The following ADAMTS17 variants were observed in gnomAD, a reference collection of about 807,000 sequenced individuals.
The protein encoded by ADAMTS17 is ADAM metallopeptidase with thrombospondin type 1 motif 17.
ADAMTS17 carries 113 observed loss-of-function variants against 141.5 expected under a neutral mutation model. The ratio of observed to expected loss-of-function variants is 0.80; its 90% CI spans 0.69 to 0.93. ADAMTS17 has a LOEUF of 0.93. ADAMTS17 is among the 40% of genes least tolerant of loss of function. The probability of loss-of-function intolerance (pLI) is 0.00; values close to 1 mark genes in which losing one functional copy is unlikely to be tolerated. For synonymous variants in ADAMTS17, 768 were observed against 630.6 expected (o/e 1.22, Z -3.27); for missense variants, 1,659 against 1,517.9 (o/e 1.09, Z -1.54).
At chr15:100,150,541 C>T (rs2039111960) in intron 10 of ADAMTS17, among the ~76,000 whole-genome samples, 1 of 152,188 alleles carries the variant, frequency 6.6e-6, no homozygotes, top group African/African-American at 2.4e-5. Flanking sequence ...AAAGTCCAGC[C>T]TGGGAGACTG....
chr15:100,133,115 G>A (rs569897252), intron 11 of ADAMTS17, 99 bp downstream of exon 11: 3 of 1,192,018 alleles, frequency 2.5e-6, no homozygotes, highest in East Asian at 2.6e-5. Flanking sequence ...GATGTTTCAG[G>A]GGCTCCTAAG....
At chr15:99,982,089 C>T (rs990189979) in intron 20 of ADAMTS17, among the ~76,000 whole-genome samples, 3 of 152,090 alleles carry the variant, frequency 2.0e-5, no homozygotes. Flanking sequence ...ATGAGGATAA[C>T]AAACTCTTGT....
chr15:100,115,258 A>T (rs897463865), intron 13 of ADAMTS17, among the ~76,000 whole-genome samples: 14 of 152,362 alleles, frequency 9.2e-5, no homozygotes, highest in Admixed American at 8.5e-4. Flanking sequence ...ACTCACAGCC[A>T]GGCGGAGGGA....
chr15:100,017,280 A>G (rs2061309878), intron 18 of ADAMTS17, among the ~76,000 whole-genome samples: 1 of 152,214 alleles, frequency 6.6e-6, no homozygotes, highest in Non-Finnish European at 1.5e-5. Flanking sequence ...AACTTGCCCC[A>G]GGCTATCTGC....
chr15:100,308,149 CT>C (rs1462422411), intron 3 of ADAMTS17, among the ~76,000 whole-genome samples: 1 of 152,204 alleles, frequency 6.6e-6, no homozygotes, highest in African/African-American at 2.4e-5. Context: ...CATCATACCC[CT>C]GGAGCAAAAC....
At chr15:100,138,137 A>AGG (rs1162540637) in intron 10 of ADAMTS17, among the ~76,000 whole-genome samples, 1 of 121,314 alleles carries the variant, frequency 8.2e-6, no homozygotes, top group Non-Finnish European at 1.9e-5. Flanking sequence ...GGAATCTGGA[A>AGG]GGGTGTTTAC....
chr15:100,176,351 T>G (rs2040338840), intron 8 of ADAMTS17, among the ~76,000 whole-genome samples: 1 of 152,190 alleles, frequency 6.6e-6, no homozygotes, highest in African/African-American at 2.4e-5. Context: ...CTAGGCTACG[T>G]GTTGGAGTCG....
intron 19 of ADAMTS17, among the ~76,000 whole-genome samples, chr15:99,995,533 G>A (rs911316299): frequency 1.3e-5 from 2 of 152,186 alleles, no homozygotes; most frequent in Non-Finnish European, 2.9e-5. Context: ...GGGCCTGCAA[G>A]CTGAGGACAG....
At chr15:100,139,105 G>A (rs1470727623) in intron 10 of ADAMTS17, among the ~76,000 whole-genome samples, 3 of 151,974 alleles carry the variant, frequency 2.0e-5, no homozygotes, top group Non-Finnish European at 4.4e-5. Context: ...AAAAGCCAAC[G>A]AAAAATATAA....
At chr15:100,222,321 C>A (rs1212711417) in intron 7 of ADAMTS17, among the ~76,000 whole-genome samples, 1 of 152,212 alleles carries the variant, frequency 6.6e-6, no homozygotes, top group Non-Finnish European at 1.5e-5. Flanking sequence ...TAATACCATG[C>A]TGGCGGGCAG....
intron 8 of ADAMTS17, among the ~76,000 whole-genome samples, chr15:100,170,929 G>A (rs2040135959): frequency 6.6e-6 from 1 of 152,152 alleles, no homozygotes; most frequent in Non-Finnish European, 1.5e-5. Context: ...ACTAAAATAA[G>A]TACATGGTAG....
intron 8 of ADAMTS17, among the ~76,000 whole-genome samples, chr15:100,155,857 T>C (rs1050605474): frequency 2.0e-5 from 3 of 152,204 alleles, no homozygotes; most frequent in African/African-American, 2.4e-5. Flanking sequence ...TATTCAGCTA[T>C]ACCTGAGACA....
At chr15:100,323,521 G>C (rs548826502) in intron 3 of ADAMTS17, among the ~76,000 whole-genome samples, 3 of 151,900 alleles carry the variant, frequency 2.0e-5, no homozygotes, top group African/African-American at 7.3e-5. Flanking sequence ...CTTAAATACA[G>C]AAATTAAATA....
chr15:100,161,734 C>T (rs948682050), intron 8 of ADAMTS17, among the ~76,000 whole-genome samples: 3 of 152,168 alleles, frequency 2.0e-5, no homozygotes, highest in African/African-American at 7.2e-5. Context: ...CTCAGAAATG[C>T]TACCTACAAG....
intron 15 of ADAMTS17, among the ~76,000 whole-genome samples, chr15:100,058,980 C>T (rs920044411): frequency 6.6e-6 from 1 of 152,160 alleles, no homozygotes. Context: ...AGAGTCATGG[C>T]GTATTTGCTT....
Position 100,276,946 on chromosome 15 carries a change from G to C in ADAMTS17, c.789+4283C>G, listed in dbSNP as rs548969943. 1.1e-3 allele frequency among the ~76,000 whole-genome samples: 163 copies of C among 152,290 alleles called. 2 individuals are homozygous for C. In the South Asian group the frequency reaches 0.015, roughly 14 times the overall value. On this transcript the variant is annotated intron_variant, in intron 4 of 21. Coordinates refer to ENST00000268070, the MANE Select transcript of ADAMTS17 (RefSeq NM_139057.4). ...CTTGTTTAAACAAGGTGTCATCTCT[G>C]AACGGAACTTGTTTTTCAATTTACT...
intron 7 of ADAMTS17, among the ~76,000 whole-genome samples, chr15:100,229,843 A>C (rs2042422169): frequency 6.6e-6 from 1 of 152,238 alleles, no homozygotes; most frequent in African/African-American, 2.4e-5. Context: ...ATGGAGCTCC[A>C]GTGAGCAGGT....
intron 3 of ADAMTS17, among the ~76,000 whole-genome samples, chr15:100,319,883 T>C (rs1596515974): frequency 6.6e-6 from 1 of 151,682 alleles, no homozygotes; most frequent in Admixed American, 6.6e-5. Flanking sequence ...TGAGCTGAGA[T>C]CCTGCCACTG....
intron 10 of ADAMTS17, among the ~76,000 whole-genome samples, chr15:100,148,758 C>G (rs1378865400): frequency 6.6e-6 from 1 of 150,680 alleles, no homozygotes; most frequent in African/African-American, 2.4e-5. Flanking sequence ...CACAGGTGGG[C>G]AGGGGAGGGT....
Sources: allele counts gnomAD v4.1 joint callset (sites outside exome capture counted in the v4.1 genomes callset), GRCh38; gene constraint gnomAD v4.1.1; transcripts MANE v1.5; gene names NCBI Gene and HGNC (gene_info 2026-07-23, HGNC 2026-07-21).